The following RSPH14 variants were observed in gnomAD, a reference collection of about 807,000 sequenced individuals.
RSPH14 encodes the protein rhabdoid tumor deletion region gene 1.
A neutral mutation model predicts 26.7 loss-of-function variants in RSPH14; 20 were observed. The observed-to-expected ratio is 0.75, with a 90% CI of 0.53 to 1.09. RSPH14 has a LOEUF of 1.09. Among genes scored for constraint, RSPH14 ranks in the 50% least tolerant of loss-of-function variants. The pLI, the probability that RSPH14 is intolerant of heterozygous loss-of-function variation, is 0.00. For missense variants in RSPH14, 449 were observed against 457.2 expected, an observed-to-expected ratio of 0.98 and a Z score of 0.16; for synonymous variants, 177 against 189.3, an observed-to-expected ratio of 0.93 and a Z score of 0.53.
chr22:23,120,499 C>G (rs2069985232), intron 4 of RSPH14, among the ~76,000 whole-genome samples: 1 of 152,184 alleles, frequency 6.6e-6, no homozygotes, highest in Non-Finnish European at 1.5e-5. Context: ...GTTTCCGCAT[C>G]AGTGAGGTGG....
At chr22:23,136,108 T>C in intron 3 of RSPH14, 1 of 580,268 alleles carries the variant, frequency 1.7e-6, no homozygotes. Context: ...GGGGGCTTCC[T>C]TGGTCCGTGT....
chr22:23,074,555 C>G (rs1246962852), intron 4 of RSPH14, among the ~76,000 whole-genome samples: 1 of 152,116 alleles, frequency 6.6e-6, no homozygotes, highest in Non-Finnish European at 1.5e-5. Context: ...AGGTGGCAAC[C>G]TGGAGCCCCT....
intron 4 of RSPH14, among the ~76,000 whole-genome samples, chr22:23,118,642 TC>T (rs1360487359): frequency 2.0e-5 from 3 of 152,076 alleles, no homozygotes; most frequent in Admixed American, 6.5e-5. Context: ...TGAGGAGCCC[TC>T]CCCCTTGCCA....
chr22:23,165,140 A>C, the RSPH14 span, among the ~76,000 whole-genome samples: 1 of 152,128 alleles, frequency 6.6e-6, no homozygotes, highest in African/African-American at 2.4e-5. Flanking sequence ...CATCACCTCT[A>C]CTGTCTCCCC....
intron 4 of RSPH14, among the ~76,000 whole-genome samples, chr22:23,114,324 G>A (rs1007742053): frequency 6.6e-6 from 1 of 152,248 alleles, no homozygotes; most frequent in African/African-American, 2.4e-5. Context: ...TTCTCAGTCT[G>A]TAACAGAACT....
intron 4 of RSPH14, among the ~76,000 whole-genome samples, chr22:23,090,986 C>T (rs1248737837): frequency 6.6e-6 from 1 of 152,176 alleles, no homozygotes; most frequent in Admixed American, 6.5e-5. Flanking sequence ...CCCTTCTGCC[C>T]CAGTCGCCTC....
chr22:23,170,078 C>T, the RSPH14 span, among the ~76,000 whole-genome samples: 3 of 136,096 alleles, frequency 2.2e-5, no homozygotes, highest in African/African-American at 8.4e-5. Flanking sequence ...TCCTAAGCAA[C>T]TGAACAAGAC....
At chr22:23,077,609 G>A (rs1181169896) in intron 4 of RSPH14, among the ~76,000 whole-genome samples, 3 of 152,158 alleles carry the variant, frequency 2.0e-5, no homozygotes, top group African/African-American at 7.2e-5. Context: ...GTCAGCAAGG[G>A]AGGAGGGGGC....
intron 4 of RSPH14, among the ~76,000 whole-genome samples, chr22:23,088,294 G>A (rs991213445): frequency 6.6e-6 from 1 of 152,190 alleles, no homozygotes; most frequent in East Asian, 1.9e-4. Flanking sequence ...CATGCTCTGA[G>A]CTGTGGGCTG....
At chr22:23,176,389 T>G in the RSPH14 span, among the ~76,000 whole-genome samples, 3 of 152,222 alleles carry the variant, frequency 2.0e-5, no homozygotes, top group Non-Finnish European at 4.4e-5. Flanking sequence ...CTGTAGCTCA[T>G]TTGCTTGATA....
chr22:23,170,729 C>T, the RSPH14 span, among the ~76,000 whole-genome samples: 1 of 151,874 alleles, frequency 6.6e-6, no homozygotes, highest in Non-Finnish European at 1.5e-5. Context: ...GAGACTCCAC[C>T]TCAAAATAAA....
At chr22:23,090,949 G>A (rs867991026) in intron 4 of RSPH14, among the ~76,000 whole-genome samples, 15 of 152,178 alleles carry the variant, frequency 9.9e-5, no homozygotes, top group Non-Finnish European at 7.3e-5. Flanking sequence ...AGTAAGTGTG[G>A]GATGCTGGAG....
chr22:23,150,170 G>A, the RSPH14 span: 9 of 1,594,550 alleles, frequency 5.6e-6, no homozygotes, highest in Admixed American at 1.7e-5. Context: ...CCTGCAGGGT[G>A]TGGGATGGGG....
the RSPH14 span, among the ~76,000 whole-genome samples, chr22:23,175,591 G>A: frequency 2.0e-5 from 3 of 152,386 alleles, no homozygotes; most frequent in African/African-American, 2.4e-5. Flanking sequence ...AAAGTGCTGG[G>A]ATTACAGGCG....
At chr22:23,107,374 G>A (rs1405192751) in intron 4 of RSPH14, among the ~76,000 whole-genome samples, 1 of 152,168 alleles carries the variant, frequency 6.6e-6, no homozygotes, top group African/African-American at 2.4e-5. Flanking sequence ...CTGCCTACAT[G>A]GGCAGCTGAG....
chr22:23,109,909 C>A (rs967017484), intron 4 of RSPH14, among the ~76,000 whole-genome samples: 1 of 152,206 alleles, frequency 6.6e-6, no homozygotes, highest in Non-Finnish European at 1.5e-5. Flanking sequence ...CCGTCAGCAC[C>A]ATGTGCCCTG....
At chr22:23,157,971 TG>T in the RSPH14 span, 1 of 1,614,158 alleles carries the variant, frequency 6.2e-7, no homozygotes, top group Non-Finnish European at 8.5e-7. Flanking sequence ...GATTGGCTGT[TG>T]GCTTTTTCCG....
intron 4 of RSPH14, among the ~76,000 whole-genome samples, chr22:23,068,263 TCTTC>T (rs1204576793): frequency 4.6e-5 from 7 of 152,210 alleles, no homozygotes; most frequent in African/African-American, 1.7e-4. Context: ...TCCAAGCATC[TCTTC>T]CTTTGGGAAG....
the RSPH14 span, chr22:23,152,551 G>T: frequency 6.2e-7 from 1 of 1,610,330 alleles, no homozygotes; most frequent in Non-Finnish European, 8.5e-7. Context: ...CTGCCCCTTT[G>T]GCCACCTCCC....
Sources: allele counts gnomAD v4.1 joint callset (sites outside exome capture counted in the v4.1 genomes callset), GRCh38; gene constraint gnomAD v4.1.1; transcripts MANE v1.5; gene names NCBI Gene and HGNC (gene_info 2026-07-23, HGNC 2026-07-21).